YJU2: variants seen among roughly 807,000 people sequenced by gnomAD.
The protein encoded by YJU2 is YJU2 splicing factor homolog.
A neutral mutation model predicts 39.6 loss-of-function variants in YJU2; 28 were observed. The observed-to-expected ratio is 0.71, with a 90% CI of 0.52 to 0.97. The LOEUF is 0.97. YJU2 is among the 50% of genes least tolerant of loss of function. The pLI is 0.00. For missense variants in YJU2, 328 were observed against 430.4 expected (o/e 0.76, Z 2.11); for synonymous variants, 184 against 182.4 (o/e 1.01, Z -0.07).
chr19:4,252,621 TTAATAA>T (rs1338165043), intron 3 of YJU2, among the ~76,000 whole-genome samples: 12 of 150,570 alleles, frequency 8.0e-5, no homozygotes, highest in Non-Finnish European at 4.4e-5. Context: ...AATAAATAAA[TTAATAA>T]TAATAATAAT....
At chr19:4,252,945 T>G (rs60160662) in intron 3 of YJU2, among the ~76,000 whole-genome samples, 1 of 151,678 alleles carries the variant, frequency 6.6e-6, no homozygotes, top group Non-Finnish European at 1.5e-5. Context: ...AAACAAAAAC[T>G]TTTTTTGAAA....
At position 4,249,324 on chromosome 19, in the gene YJU2, A is replaced by T. The variant is rs763887231; in HGVS notation, c.121A>T (p.Met41Leu). 2.5e-6 allele frequency: 4 copies of T among 1,609,742 alleles called. No homozygotes were observed. Among genetic ancestry groups the T allele is most frequent in the Non-Finnish European group, 3.4e-6 (4 of 1,176,600 alleles). The change falls in exon 2 of 8, where the codon ATG becomes TTG. Residue 41 changes from methionine to leucine, a missense_variant. Transcript: ENST00000262962. ...GGTGCGGCTGATGGCCCCCTTCAAC[A>T]TGAGGTGAGCACCCCCTGCGTGACC... ...YVVRLMAPFN[M>L]RCKTCGEYIY...
chr19:4,247,584 T>C (rs559929836), intron 1 of YJU2, among the ~76,000 whole-genome samples: 168 of 6,318 alleles, frequency 0.027, 3 homozygotes, highest in Non-Finnish European at 0.036. Context: ...GGGTGGCGCG[T>C]GTGTGTGTGT....
At chr19:4,259,175 G>A (rs975307395) in intron 5 of YJU2, among the ~76,000 whole-genome samples, 5 of 89,546 alleles carry the variant, frequency 5.6e-5, no homozygotes, top group African/African-American at 2.2e-4. Flanking sequence ...TCCGCCTCCC[G>A]GGTTCATGCC....
intron 6 of YJU2, among the ~76,000 whole-genome samples, chr19:4,263,161 AAGAAG>A (rs1360071680): frequency 1.3e-5 from 2 of 152,158 alleles, no homozygotes; most frequent in African/African-American, 4.8e-5. Context: ...AAGCTGCCGA[AAGAAG>A]AGAATGTAAA....
chr19:4,266,789 T>A (rs951029957), intron 6 of YJU2, among the ~76,000 whole-genome samples: 1 of 152,074 alleles, frequency 6.6e-6, no homozygotes, highest in Non-Finnish European at 1.5e-5. Flanking sequence ...GAGACCAGCC[T>A]GGGCAACATA....
At position 4,258,878 on chromosome 19, in the gene YJU2, G is replaced by A. The variant is rs114447501; in HGVS notation, c.587+455G>A. 7.7e-3 allele frequency among the ~76,000 whole-genome samples: 1,173 copies of A among 152,136 alleles called. 18 individuals carry two copies. The highest frequency in any genetic ancestry group is 0.026 in the African/African-American group (1,059 of 41,510). On this transcript the variant is annotated intron_variant, in intron 5 of 7. Coordinates refer to ENST00000262962, the MANE Select transcript of YJU2 (RefSeq NM_018074.6). ...GCCCCCGCTGCCTCACCCATGCCGG[G>A]ATTCCAGACTCCAGAGGAAAGCAGG...
chr19:4,265,637 G>T (rs913539304), intron 6 of YJU2, among the ~76,000 whole-genome samples: 1 of 151,774 alleles, frequency 6.6e-6, no homozygotes, highest in Non-Finnish European at 1.5e-5. Context: ...CGCCCAGGCT[G>T]GAGTGCAGTG....
intron 3 of YJU2, among the ~76,000 whole-genome samples, chr19:4,253,283 C>T (rs1970992787): frequency 6.6e-6 from 1 of 151,304 alleles, no homozygotes; most frequent in Non-Finnish European, 1.5e-5. Context: ...TTACCATTAA[C>T]ATTGTAGGCT....
intron 7 of YJU2, among the ~76,000 whole-genome samples, chr19:4,268,322 C>T (rs936249368): frequency 3.3e-5 from 5 of 152,350 alleles, no homozygotes; most frequent in African/African-American, 1.2e-4. Context: ...GTGAACTTTG[C>T]GCCATTTCCA....
chr19:4,250,082 G>A (rs1970963437), intron 2 of YJU2, among the ~76,000 whole-genome samples: 1 of 152,058 alleles, frequency 6.6e-6, no homozygotes, highest in Admixed American at 6.6e-5. Context: ...CCTCCGGGAG[G>A]CCTCCATCAT....
intron 1 of YJU2, among the ~76,000 whole-genome samples, chr19:4,247,656 T>TC (rs1970940538): frequency 1.6e-5 from 1 of 64,360 alleles, no homozygotes; most frequent in Non-Finnish European, 2.8e-5. Flanking sequence ...TGTGTGTGTG[T>TC]GTGTGTGTGT....
rs779047131 is a variant in YJU2 at position 4,267,660 on chromosome 19, C to T, written c.745C>T (p.Gln249Ter). The T allele has an allele frequency of 1.8e-5, 29 of 1,613,514 alleles. No homozygotes were observed. Among genetic ancestry groups the T allele is most frequent in the Non-Finnish European group, 2.2e-5 (26 of 1,179,934 alleles). Residue 249 changes from glutamine to a stop codon, truncating the protein, a stop_gained, in exon 7 of 8, where the codon CAG becomes TAG. Coordinates refer to ENST00000262962, the MANE Select transcript of YJU2 (RefSeq NM_018074.6). LOFTEE classifies it high-confidence loss of function. ...CAAGAGGAAGGTGGAGGTCTGGGAG[C>T]AGAGCGTTGGCAGCCTGGGCAGCCG... ...KPKRKVEVWE[Q>*]SVGSLGSRPP...
intron 6 of YJU2, among the ~76,000 whole-genome samples, chr19:4,265,734 G>A (rs764512786): frequency 2.0e-5 from 3 of 151,492 alleles, no homozygotes; most frequent in Admixed American, 6.6e-5. Flanking sequence ...GATTACAGGC[G>A]TGTGCTACCA....
chr19:4,251,338 A>G (rs1310994589), intron 3 of YJU2, among the ~76,000 whole-genome samples, 167 bp downstream of exon 3: 2 of 152,152 alleles, frequency 1.3e-5, no homozygotes, highest in Non-Finnish European at 2.9e-5. Flanking sequence ...GCAGCATTCT[A>G]AATAAAGGCA....
intron 1 of YJU2, chr19:4,248,071 G>C (rs1421787627): frequency 1.3e-5 from 2 of 152,064 alleles, no homozygotes; most frequent in African/African-American, 2.4e-5. Context: ...ATTTCACCAT[G>C]TTGCCCAGGG....
At chr19:4,266,722 C>T (rs561379131) in intron 6 of YJU2, among the ~76,000 whole-genome samples, 22 of 152,312 alleles carry the variant, frequency 1.4e-4, no homozygotes, top group African/African-American at 4.8e-4. Flanking sequence ...TGGCTCACGC[C>T]TGTCATCCCA....
At chr19:4,265,846 G>C (rs958463483) in intron 6 of YJU2, among the ~76,000 whole-genome samples, 1 of 151,922 alleles carries the variant, frequency 6.6e-6, no homozygotes, top group African/African-American at 2.4e-5. Flanking sequence ...TGGTCCACCC[G>C]CCTCGGCCTC....
At chr19:4,265,627 C>T (rs1475763028) in intron 6 of YJU2, among the ~76,000 whole-genome samples, 2 of 151,170 alleles carry the variant, frequency 1.3e-5, no homozygotes, top group Admixed American at 6.6e-5. Flanking sequence ...CTTGTTCTTT[C>T]GCCCAGGCTG....
Sources: allele counts gnomAD v4.1 joint callset (sites outside exome capture counted in the v4.1 genomes callset), GRCh38; gene constraint gnomAD v4.1.1; transcripts MANE v1.5; gene names NCBI Gene and HGNC (gene_info 2026-07-23, HGNC 2026-07-21).